The following ZNF420 variants were observed in gnomAD, a reference collection of about 807,000 sequenced individuals.
ZNF420 encodes the protein ATM and p53-associated KZNF protein.
A neutral mutation model predicts 44.7 loss-of-function variants in ZNF420; 31 were observed. The observed-to-expected ratio is 0.69, with a 90% CI of 0.52 to 0.94. The LOEUF is 0.94. Ranked by LOEUF, ZNF420 falls within the 40% of genes least tolerant of loss-of-function variation. The pLI is 0.00. For synonymous variants in ZNF420, 245 were observed against 267.4 expected (o/e 0.92, Z 0.82); for missense variants, 681 against 827.9 (o/e 0.82, Z 2.18).
chr19:37,066,125 C>G (rs551772547), intron 1 of ZNF420, among the ~76,000 whole-genome samples: 1 of 152,176 alleles, frequency 6.6e-6, no homozygotes, highest in Non-Finnish European at 1.5e-5. Context: ...CATCAAAAGA[C>G]ACTGTTAAAA....
intron 4 of ZNF420, among the ~76,000 whole-genome samples, chr19:37,097,795 C>CTATGTTCCTAATATTTT (rs1568455687): frequency 6.6e-6 from 1 of 152,008 alleles, no homozygotes; most frequent in Non-Finnish European, 1.5e-5. Flanking sequence ...CAGCTAGATT[C>CTATGTTCCTAATATTTT]TATGTTCCTA....
At chr19:37,038,994 AAAAG>A (rs754923992) in intron 1 of ZNF420, among the ~76,000 whole-genome samples, 12 of 151,920 alleles carry the variant, frequency 7.9e-5, no homozygotes, top group South Asian at 2.1e-4. Context: ...CTCAAAAAAA[AAAAG>A]AAAAGAAAAG....
rs759043686 is a variant in ZNF420 at position 37,127,700 on chromosome 19, C to T, written c.709C>T (p.Gln237Ter). ...TGGGAAAGCCTTTATTCGTAGCTCA[C>T]AACTTACCCGACATCAAAAAGTTCA... The part of the protein sequence containing the change: ...ECGKAFIRSS[Q>*]LTRHQKVHTG... The change falls in exon 5 of 5, where the codon CAA (glutamine) becomes TAA (stop). Residue 237 changes from glutamine (Q) to a stop codon, truncating the protein, a stop_gained. Coordinates refer to ENST00000337995, the MANE Select transcript of ZNF420 (RefSeq NM_144689.5). LOFTEE classifies it high-confidence loss of function. 1 of 1,613,900 alleles carries T rather than the reference C, an allele frequency of 6.2e-7. No individual in the cohort carries two copies. Among genetic ancestry groups the T allele is most frequent in the South Asian group, 1.1e-5 (1 of 91,076 alleles).
At chr19:37,052,843 G>A (rs1341812114) in intron 1 of ZNF420, among the ~76,000 whole-genome samples, 8 of 152,086 alleles carry the variant, frequency 5.3e-5, no homozygotes, top group Non-Finnish European at 1.2e-4. Flanking sequence ...ATGTGTCTTG[G>A]AGTTGCTGTT....
chr19:37,040,083 G>A (rs1229666998), intron 1 of ZNF420, among the ~76,000 whole-genome samples: 1 of 152,110 alleles, frequency 6.6e-6, no homozygotes, highest in Non-Finnish European at 1.5e-5. Context: ...CAAAGTCCTG[G>A]ATGGCATTTT....
Position 37,043,055 on chromosome 19 carries a change from A to G in ZNF420, c.-125+34973A>G, listed in dbSNP as rs144721879. 6.6e-5 allele frequency among the ~76,000 whole-genome samples: 10 copies of G among 152,330 alleles called. No homozygotes were observed. The East Asian group carries it at 1.5e-3, about 23-fold the overall frequency. On this transcript the variant is annotated intron_variant, in intron 1 of 4. Coordinates refer to the ZNF420 transcript ENST00000587029. Reference sequence around the variant, plus strand: ...TTGCCATCGTATAGGGACCTGATTCATGGCCTCCCAAAATAGTTACAACAG... The same window carrying G: ...TTGCCATCGTATAGGGACCTGATTCGTGGCCTCCCAAAATAGTTACAACAG...
upstream of ZNF420, among the ~76,000 whole-genome samples, chr19:37,075,340 CCA>C (rs1398205355): frequency 6.6e-6 from 1 of 152,150 alleles, no homozygotes; most frequent in Non-Finnish European, 1.5e-5. Flanking sequence ...TTGTCTGCTT[CCA>C]CAGTTTAGGT....
In ZNF420 at chr19:37,130,014, A is replaced by G. The variant is rs1440229714; in HGVS notation, c.*956A>G. The G allele has an allele frequency of 9.2e-6, 14 of 1,518,214 alleles. No individual in the cohort carries two copies. Among genetic ancestry groups the G allele is most frequent in the African/African-American group, 1.4e-5 (1 of 71,306 alleles). 94.0% of individuals were successfully genotyped at this position (1,518,214 alleles called of 1,614,324 possible). On this transcript the variant is annotated 3_prime_UTR_variant, in exon 5 of 5. Coordinates refer to ENST00000337995, the MANE Select transcript of ZNF420 (RefSeq NM_144689.5). ...ATCTATTTTCTCTTTTTTAGTAACA[A>G]ATTTCTGGGCTGAAAATCTCAGCCT...
intron 1 of ZNF420, among the ~76,000 whole-genome samples, chr19:37,011,542 G>T (rs2074569033): frequency 6.6e-6 from 1 of 152,284 alleles, no homozygotes; most frequent in Admixed American, 6.5e-5. Context: ...GGCTACCTAG[G>T]CATTGGAGAG....
intron 1 of ZNF420, among the ~76,000 whole-genome samples, chr19:37,031,430 T>C (rs1197947500): frequency 2.0e-5 from 3 of 152,184 alleles, no homozygotes; most frequent in Non-Finnish European, 4.4e-5. Context: ...TAGTAACAGA[T>C]ATACAGATAT....
chr19:37,042,138 A>G (rs1412215402), intron 1 of ZNF420, among the ~76,000 whole-genome samples: 1 of 152,168 alleles, frequency 6.6e-6, no homozygotes, highest in African/African-American at 2.4e-5. Flanking sequence ...AACTGGGACT[A>G]CAGGTGCCCA....
intron 1 of ZNF420, among the ~76,000 whole-genome samples, chr19:37,034,047 C>T (rs1237255623): frequency 6.6e-6 from 1 of 151,884 alleles, no homozygotes; most frequent in Admixed American, 6.6e-5. Context: ...GAGCCATGCG[C>T]CCAGCCTATG....
intron 1 of ZNF420, among the ~76,000 whole-genome samples, chr19:37,041,516 G>A (rs1349264324): frequency 2.0e-5 from 3 of 152,040 alleles, no homozygotes; most frequent in South Asian, 2.1e-4. Context: ...GCACTCCTCC[G>A]AAATGAAGGG....
At chr19:37,021,215 C>A (rs187432611) in intron 1 of ZNF420, among the ~76,000 whole-genome samples, 148 of 152,266 alleles carry the variant, frequency 9.7e-4, no homozygotes, top group African/African-American at 3.5e-3. Flanking sequence ...AAGAAAGCAG[C>A]CATAGACAAA....
intron 4 of ZNF420, among the ~76,000 whole-genome samples, chr19:37,101,695 G>A (rs1011960166): frequency 6.6e-6 from 1 of 152,224 alleles, no homozygotes; most frequent in South Asian, 2.1e-4. Context: ...CAAGGTTGTT[G>A]TGGCTCTCCA....
chr19:37,125,283 G>A (rs1386449164), intron 4 of ZNF420, among the ~76,000 whole-genome samples: 1 of 152,198 alleles, frequency 6.6e-6, no homozygotes. Flanking sequence ...AAGTAAATAA[G>A]AGAAGACATG....
intron 4 of ZNF420, among the ~76,000 whole-genome samples, chr19:37,104,833 G>A (rs952805402): frequency 5.3e-5 from 8 of 152,230 alleles, no homozygotes; most frequent in Non-Finnish European, 8.8e-5. Flanking sequence ...CATATCCTTT[G>A]CCGACTTTTT....
chr19:37,129,345 C>T lies in ZNF420; in HGVS notation c.*287C>T, dbSNP rs1053023909. On this transcript the variant is annotated 3_prime_UTR_variant, in exon 5 of 5. Coordinates refer to ENST00000337995, the MANE Select transcript of ZNF420 (RefSeq NM_144689.5). ...CGTTATCTTAGCTCTACTAGTTGAT[C>T]TTTTTGTTATATGTATCATGATACT... is the stretch of plus-strand genomic sequence containing the variant. 1 of 378,186 alleles carries T rather than the reference C, an allele frequency of 2.6e-6. No individual in the cohort carries two copies. Among genetic ancestry groups the T allele is most frequent in the East Asian group, 5.0e-5 (1 of 19,922 alleles). The allele number at this position is 378,186 out of a possible 1,614,324, so 23.4% of individuals were successfully genotyped here.
rs145699727 is a variant in ZNF420, at chr19:37,127,384, A to G, written c.393A>G (p.Arg131=). 174 of 1,613,796 alleles carry G rather than the reference A, an allele frequency of 1.1e-4. No individual in the cohort carries two copies. The Middle Eastern group carries it at 3.0e-3, about 28-fold the overall frequency. The change falls in exon 5 of 5, where the codon AGA becomes AGG. Residue 131 remains arginine (R), a synonymous_variant. Coordinates refer to ENST00000337995, the MANE Select transcript of ZNF420 (RefSeq NM_144689.5). ...NQHTYLSQHS[R]CHSTEKPYKC... is the part of the protein sequence containing the mutation. ...ATACTTACTTATCTCAACATTCAAG[A>G]TGTCATTCTACTGAGAAACCCTATA...
Sources: gnomAD v4.1 joint callset for allele counts (sites outside exome capture counted in the v4.1 genomes callset) on GRCh38, gnomAD v4.1.1 for gene constraint, MANE v1.5 for transcripts, NCBI Gene and HGNC (gene_info 2026-07-23, HGNC 2026-07-21) for gene names.